The following SNX29 variants were observed in gnomAD, a reference collection of about 807,000 sequenced individuals.
SNX29 encodes sorting nexin 29, also known as sorting nexin-29.
Under a neutral mutation model 102.1 loss-of-function variants are expected in SNX29, and 78 were observed. That is an observed-to-expected ratio of 0.76 (90% CI 0.64 to 0.92). The LOEUF is 0.92. Among genes scored for constraint, SNX29 ranks in the 40% least tolerant of loss-of-function variants. The pLI is 0.00. For synonymous variants in SNX29, 580 were observed against 414.5 expected (o/e 1.40, Z -4.85); for missense variants, 1,280 against 1,061.7 (o/e 1.21, Z -2.86).
At chr16:12,382,852 G>T in intron 16 of SNX29, among the ~76,000 whole-genome samples, 1 of 151,690 alleles carries the variant, frequency 6.6e-6, no homozygotes. Context: ...GCTTCTCTCT[G>T]GTGCCTCTCT....
intron 15 of SNX29, among the ~76,000 whole-genome samples, chr16:12,337,499 G>A (rs2081486909): frequency 1.3e-5 from 2 of 151,898 alleles, no homozygotes; most frequent in African/African-American, 4.8e-5. Context: ...GTACCATCAT[G>A]CCCGGCTAAC....
intron 20 of SNX29, among the ~76,000 whole-genome samples, chr16:12,556,969 C>CT (rs2078398424): frequency 1.3e-5 from 2 of 149,786 alleles, no homozygotes; most frequent in South Asian, 4.3e-4. Context: ...CCACTTCTGC[C>CT]TCATGAGTAG....
chr16:12,411,720 G>A (rs554217230), intron 18 of SNX29, among the ~76,000 whole-genome samples: 1 of 152,296 alleles, frequency 6.6e-6, no homozygotes, highest in Admixed American at 6.5e-5. Context: ...GGCAGGCTGT[G>A]TGGGGTAAAG....
In SNX29 at chr16:12,570,242, A is replaced by G. The variant is rs1388353510; in HGVS notation, c.*1613A>G. The G allele has an allele frequency of 2.9e-5, 31 of 1,065,184 alleles. No individual in the cohort carries two copies. The highest frequency in any genetic ancestry group is 3.5e-5 in the Non-Finnish European group (31 of 879,286). The allele number at this position is 1,065,184 out of a possible 1,614,324, so 66.0% of individuals were successfully genotyped here. ...AGATAAGCCCTGCCCCGGTGAGACC[A>G]AATGAGCTGGAGCATGTATGGAGGT... On this transcript the variant is annotated 3_prime_UTR_variant, in exon 21 of 21. Coordinates refer to ENST00000566228, the MANE Select transcript of SNX29 (RefSeq NM_032167.5).
intron 20 of SNX29, among the ~76,000 whole-genome samples, chr16:12,568,303 T>TAAAAAAAAAAAAAA (rs10633753): frequency 7.2e-4 from 58 of 80,710 alleles, no homozygotes; most frequent in Middle Eastern, 9.1e-3. Flanking sequence ...CGGAGTGCTG[T>TAAAAAAAAAAAAAA]TAAAAAAAAA....
At chr16:12,211,884 T>C (rs2077193787) in intron 14 of SNX29, among the ~76,000 whole-genome samples, 1 of 152,228 alleles carries the variant, frequency 6.6e-6, no homozygotes, top group Admixed American at 6.5e-5. Flanking sequence ...AAAATACCTT[T>C]ACAATGACAT....
At chr16:12,533,079 C>G (rs2076975062) in intron 20 of SNX29, among the ~76,000 whole-genome samples, 1 of 152,186 alleles carries the variant, frequency 6.6e-6, no homozygotes, top group African/African-American at 2.4e-5. Flanking sequence ...AAGCCACAGC[C>G]CACATCACAC....
At chr16:12,419,854 G>A (rs368972542) in intron 18 of SNX29, among the ~76,000 whole-genome samples, 2 of 152,306 alleles carry the variant, frequency 1.3e-5, no homozygotes, top group East Asian at 1.9e-4. Flanking sequence ...GCCATAGGTC[G>A]GTGGGAGAAA....
intron 8 of SNX29, 109 bp downstream of exon 8, chr16:12,052,331 C>G (rs997775932): frequency 1.6e-6 from 2 of 1,275,416 alleles, no homozygotes; most frequent in Non-Finnish European, 1.1e-6. Context: ...ATTCTCCTGC[C>G]TCAGCCTCCC....
chr16:11,993,658 T>G (rs1296298915), intron 1 of SNX29, among the ~76,000 whole-genome samples: 1 of 152,008 alleles, frequency 6.6e-6, no homozygotes, highest in African/African-American at 2.4e-5. Context: ...GCTGGTGGAG[T>G]AGGATTCTAA....
At chr16:12,283,403 T>A (rs2079496441) in intron 15 of SNX29, among the ~76,000 whole-genome samples, 1 of 149,392 alleles carries the variant, frequency 6.7e-6, no homozygotes, top group African/African-American at 2.5e-5. Context: ...CACTGCAAGC[T>A]CCACCTCCTG....
rs1188887681 is a variant in SNX29, at chr16:12,013,528, T to A, written c.122+10485T>A. Among the ~76,000 whole-genome samples the A allele has an allele frequency of 5.7e-4, 66 of 115,932 alleles. 2 individuals carry two copies. Among genetic ancestry groups the A allele is most frequent in the South Asian group, 2.4e-3 (8 of 3,352 alleles). 76.1% of individuals were successfully genotyped at this position (115,932 alleles called of 152,430 possible). A position where few individuals can be genotyped will look rare whatever the true frequency, so the allele number is the denominator to read the frequency against. ...ATATATATATATATATATATATATA[T>A]ATATATATATATATCGAGAGAGGAG... On this transcript the variant is annotated intron_variant, in intron 3 of 20. Transcript: ENST00000566228.
chr16:12,444,626 A>G (rs552639376), intron 18 of SNX29, among the ~76,000 whole-genome samples: 4 of 152,094 alleles, frequency 2.6e-5, no homozygotes, highest in Non-Finnish European at 5.9e-5. Context: ...TACCTGAGTC[A>G]TTTTCCTGGA....
At chr16:11,983,765 A>G in intron 1 of SNX29, 2 of 926,270 alleles carry the variant, frequency 2.2e-6, no homozygotes, top group Non-Finnish European at 2.6e-6. Flanking sequence ...ACTAAAATCC[A>G]AGATTTTATA....
intron 13 of SNX29, among the ~76,000 whole-genome samples, chr16:12,139,079 G>C (rs943997520): frequency 1.3e-5 from 2 of 151,164 alleles, no homozygotes; most frequent in African/African-American, 2.4e-5. Context: ...GTGTGTACCT[G>C]TAATCCCAGC....
intron 18 of SNX29, among the ~76,000 whole-genome samples, chr16:12,419,528 C>T (rs2084783774): frequency 6.6e-6 from 1 of 151,370 alleles, no homozygotes; most frequent in African/African-American, 2.4e-5. Flanking sequence ...AAGGGTACAG[C>T]TTGAATTTTA....
chr16:11,986,258 C>T (rs1345293390), intron 1 of SNX29, among the ~76,000 whole-genome samples: 1 of 151,594 alleles, frequency 6.6e-6, no homozygotes, highest in African/African-American at 2.4e-5. Flanking sequence ...CTAGTGTTTC[C>T]TCTGCTCACC....
chr16:12,482,167 T>A (rs1397355812), intron 19 of SNX29, among the ~76,000 whole-genome samples: 17 of 152,258 alleles, frequency 1.1e-4, no homozygotes, highest in Non-Finnish European at 1.0e-4. Flanking sequence ...TTTTCTTTGA[T>A]TGGGTTACTT....
At chr16:12,061,683 A>C in intron 9 of SNX29, 37 bp downstream of exon 9, 2 of 1,561,416 alleles carry the variant, frequency 1.3e-6, no homozygotes, top group Non-Finnish European at 1.8e-6. Flanking sequence ...CTCCAATAAG[A>C]GCTTTGGCTT....
Sources: allele counts gnomAD v4.1 joint callset (sites outside exome capture counted in the v4.1 genomes callset), GRCh38; gene constraint gnomAD v4.1.1; transcripts MANE v1.5; gene names NCBI Gene and HGNC (gene_info 2026-07-23, HGNC 2026-07-21).